The following HECTD4 variants were observed in gnomAD, a reference collection of about 807,000 sequenced individuals.
The protein encoded by HECTD4 is HECT domain E3 ubiquitin protein ligase 4.
In HECTD4, 114 loss-of-function variants were observed where a neutral mutation model predicts 471.5. The observed-to-expected ratio is 0.24, with a 90% CI of 0.21 to 0.28. HECTD4 has a LOEUF of 0.28. Ranked by LOEUF, HECTD4 falls within the 10% of genes least tolerant of loss-of-function variation. The pLI is 1.00. For missense variants in HECTD4, 3,866 were observed against 5,651.5 expected, an observed-to-expected ratio of 0.68 and a Z score of 10.13; for synonymous variants, 2,012 against 2,256.0, an observed-to-expected ratio of 0.89 and a Z score of 3.07.
At chr12:112,266,063 C>T (rs1793290002) in intron 14 of HECTD4, 80 bp from the exon 15 acceptor site, 4 of 1,013,184 alleles carry the variant, frequency 3.9e-6, no homozygotes, top group Non-Finnish European at 6.0e-6. Context: ...AGTTTTTAAA[C>T]AAATAGATTG....
chr12:112,308,653 G>T, intron 6 of HECTD4, 100 bp downstream of exon 6: 1 of 1,133,792 alleles, frequency 8.8e-7, no homozygotes, highest in Non-Finnish European at 1.2e-6. Context: ...CACTCTGGGA[G>T]GAAAATATAT....
intron 41 of HECTD4, 151 bp downstream of exon 41, chr12:112,229,547 C>G (rs1188522146): frequency 6.6e-6 from 5 of 756,108 alleles, no homozygotes; most frequent in Admixed American, 2.5e-5. Flanking sequence ...GATTTGAATT[C>G]AAGAATTTCT....
At chr12:112,178,317 G>A (rs759112848) in intron 64 of HECTD4, among the ~76,000 whole-genome samples, 3 of 152,158 alleles carry the variant, frequency 2.0e-5, no homozygotes, top group African/African-American at 7.2e-5. Flanking sequence ...GGCTTAAGGC[G>A]TTATGCATTT....
chr12:112,314,242 T>C (rs1335758402), intron 3 of HECTD4, among the ~76,000 whole-genome samples: 4 of 151,918 alleles, frequency 2.6e-5, no homozygotes, highest in Admixed American at 1.3e-4. Flanking sequence ...TTTAAAGACA[T>C]AGAACTAAAA....
At chr12:112,252,891 T>C (rs1367376959) in intron 22 of HECTD4, among the ~76,000 whole-genome samples, 1 of 151,536 alleles carries the variant, frequency 6.6e-6, no homozygotes, top group Non-Finnish European at 1.5e-5. Flanking sequence ...CTCACTGCAG[T>C]CTCAATCTCC....
At chr12:112,324,319 T>C (rs1311459359) in intron 1 of HECTD4, among the ~76,000 whole-genome samples, 1 of 150,874 alleles carries the variant, frequency 6.6e-6, no homozygotes, top group Non-Finnish European at 1.5e-5. Flanking sequence ...GGGGTCTCCC[T>C]ACATTGCCCA....
At position 112,169,663 on chromosome 12, in the gene HECTD4, A is replaced by G; in HGVS notation, c.12053-5T>C. On this transcript the variant is annotated splice_polypyrimidine_tract_variant and splice_region_variant and intron_variant, in intron 69 of 75. Coordinates refer to ENST00000682272, the MANE Select transcript of HECTD4 (RefSeq NM_001388303.1). ...TTTCAGAAGCTCTGATTTCCCCTGG[A>G]AAGTGAGATGAGCTGATCAAAGCAC... The G allele has an allele frequency of 1.9e-6, 3 of 1,612,776 alleles. No homozygotes were observed. Among genetic ancestry groups the G allele is most frequent in the Non-Finnish European group, 2.5e-6 (3 of 1,179,870 alleles).
At chr12:112,290,152 C>G (rs1356799961) in intron 7 of HECTD4, among the ~76,000 whole-genome samples, 3 of 151,988 alleles carry the variant, frequency 2.0e-5, no homozygotes, top group Admixed American at 6.6e-5. Context: ...GAAACCCCAT[C>G]TATACAAAAC....
At chr12:112,299,732 ATTT>A (rs1199837819) in intron 7 of HECTD4, among the ~76,000 whole-genome samples, 1 of 152,164 alleles carries the variant, frequency 6.6e-6, no homozygotes, top group Non-Finnish European at 1.5e-5. Context: ...CTCCAAAAAG[ATTT>A]TTTTAATTGG....
chr12:112,288,796 C>T (rs1262032456), intron 7 of HECTD4, among the ~76,000 whole-genome samples: 1 of 152,156 alleles, frequency 6.6e-6, no homozygotes, highest in Non-Finnish European at 1.5e-5. Context: ...TTCAGTGGCA[C>T]AGCCCAAGCT....
intron 11 of HECTD4, among the ~76,000 whole-genome samples, chr12:112,272,824 CA>C (rs2034443817): frequency 6.6e-6 from 1 of 152,204 alleles, no homozygotes; most frequent in Non-Finnish European, 1.5e-5. Context: ...TGCTACTGGA[CA>C]TGAGGTTTTT....
At chr12:112,219,645 G>A (rs2033034390) in intron 44 of HECTD4, 156 bp from the exon 45 acceptor site, 1 of 520,474 alleles carries the variant, frequency 1.9e-6, no homozygotes, top group East Asian at 3.4e-5. Context: ...TATTGCCCAG[G>A]CTGGAGTGCA....
chr12:112,370,624 T>G (rs2036647870), intron 1 of HECTD4, among the ~76,000 whole-genome samples: 1 of 152,148 alleles, frequency 6.6e-6, no homozygotes, highest in African/African-American at 2.4e-5. Context: ...CACCAAAATT[T>G]TAAAATGGTC....
At chr12:112,186,820 A>T (rs947843730) in intron 60 of HECTD4, among the ~76,000 whole-genome samples, 2 of 151,150 alleles carry the variant, frequency 1.3e-5, no homozygotes, top group African/African-American at 2.4e-5. Flanking sequence ...GGCATGTGCC[A>T]CCACACCCAG....
At chr12:112,362,685 C>G (rs1426317613) in intron 1 of HECTD4, among the ~76,000 whole-genome samples, 2 of 151,906 alleles carry the variant, frequency 1.3e-5, no homozygotes, top group Non-Finnish European at 2.9e-5. Flanking sequence ...TCCCTGTATT[C>G]TCTCTTGAAC....
At position 112,246,945 on chromosome 12, in the gene HECTD4, G is replaced by A; in HGVS notation, c.4469C>T (p.Ser1490Leu). ...LLLHVTIAAQ[S>L]GLTRSISGTP... ...CCCAGAGATGCTTCTCGTGAGGCCC[G>A]ACTGGGCTGCGATGGTGACATGCAG... Residue 1490 changes from serine to leucine, a missense_variant, in exon 29 of 76, where the codon TCG becomes TTG. By Grantham distance (145) the Ser-to-Leu change is moderately radical. Coordinates refer to ENST00000682272, the MANE Select transcript of HECTD4 (RefSeq NM_001388303.1). 10 of 1,612,166 alleles carry A rather than the reference G, an allele frequency of 6.2e-6. No individual in the cohort carries two copies. Among genetic ancestry groups the A allele is most frequent in the South Asian group, 1.1e-5 (1 of 90,928 alleles).
chr12:112,368,513 G>T (rs1420386604), intron 1 of HECTD4, among the ~76,000 whole-genome samples: 2 of 152,042 alleles, frequency 1.3e-5, no homozygotes, highest in African/African-American at 2.4e-5. Context: ...TAAAATAGCA[G>T]ATTTAAAGAA....
At chr12:112,378,375 C>T (rs1015498864) in intron 1 of HECTD4, among the ~76,000 whole-genome samples, 3 of 148,306 alleles carry the variant, frequency 2.0e-5, no homozygotes, top group African/African-American at 7.6e-5. Flanking sequence ...CCCGCCACCA[C>T]GCCCGGCTAA....
intron 13 of HECTD4, among the ~76,000 whole-genome samples, chr12:112,268,842 T>C (rs1394353899): frequency 6.8e-6 from 1 of 146,126 alleles, no homozygotes; most frequent in African/African-American, 2.5e-5. Context: ...AAATGGCCTA[T>C]AAATTCTGCT....
Sources: allele counts gnomAD v4.1 joint callset (sites outside exome capture counted in the v4.1 genomes callset), GRCh38; gene constraint gnomAD v4.1.1; transcripts MANE v1.5; gene names NCBI Gene and HGNC (gene_info 2026-07-23, HGNC 2026-07-21).